Variants in TECRL observed in about 807,000 individuals in gnomAD.
The protein encoded by TECRL is trans-2,3-enoyl-CoA reductase-like.
Under a neutral mutation model 52.8 loss-of-function variants are expected in TECRL, and 63 were observed. That is an observed-to-expected ratio of 1.19 (90% CI 0.97 to 1.47). The LOEUF (loss-of-function observed/expected upper bound fraction) is 1.47, where lower values mean the gene tolerates loss of function less well. TECRL is among the 40% of genes most tolerant of loss of function. The probability of loss-of-function intolerance (pLI) is 0.00; values close to 1 mark genes in which losing one functional copy is unlikely to be tolerated. For missense variants in TECRL, 482 were observed against 429.6 expected (o/e 1.12, Z -1.08); for synonymous variants, 164 against 141.9 (o/e 1.16, Z -1.10).
chr4:64,301,979 T>C (rs1724049249), intron 7 of TECRL, among the ~76,000 whole-genome samples: 1 of 151,440 alleles, frequency 6.6e-6, no homozygotes, highest in East Asian at 1.9e-4. Context: ...CTGTATAATG[T>C]TTCACATTTA....
intron 2 of TECRL, among the ~76,000 whole-genome samples, 180 bp downstream of exon 2, chr4:64,374,992 A>G (rs1038993670): frequency 2.6e-5 from 4 of 152,150 alleles, no homozygotes; most frequent in Non-Finnish European, 5.9e-5. Context: ...TAAAGGATCA[A>G]TTAGAGTTAA....
intron 2 of TECRL, among the ~76,000 whole-genome samples, chr4:64,373,046 T>A (rs1047706605): frequency 2.0e-5 from 3 of 151,776 alleles, no homozygotes; most frequent in Non-Finnish European, 4.4e-5. Flanking sequence ...AGCAATGTTT[T>A]TCAATGTCTT....
At chr4:64,404,486 T>A (rs1162761985) in intron 1 of TECRL, among the ~76,000 whole-genome samples, 1 of 152,120 alleles carries the variant, frequency 6.6e-6, no homozygotes, top group African/African-American at 2.4e-5. Context: ...CTACAATCTC[T>A]TATTTTTAAT....
At chr4:64,320,975 TA>T (rs989606363) in intron 4 of TECRL, among the ~76,000 whole-genome samples, 16 of 152,100 alleles carry the variant, frequency 1.1e-4, no homozygotes, top group African/African-American at 2.9e-4. Flanking sequence ...ATAAATCAAC[TA>T]TTTTTTTTCA....
intron 7 of TECRL, among the ~76,000 whole-genome samples, chr4:64,304,279 T>C (rs1472072491): frequency 6.6e-6 from 1 of 151,902 alleles, no homozygotes; most frequent in Non-Finnish European, 1.5e-5. Context: ...ATATTCATAG[T>C]TAATTGTTAG....
intron 1 of TECRL, among the ~76,000 whole-genome samples, chr4:64,401,885 T>A (rs973302988): frequency 1.3e-5 from 2 of 152,178 alleles, no homozygotes; most frequent in Non-Finnish European, 2.9e-5. Context: ...TATGCTCCCC[T>A]TAATTTCATT....
intron 1 of TECRL, among the ~76,000 whole-genome samples, chr4:64,404,920 T>G (rs17655773): frequency 0.041 from 6,236 of 152,186 alleles, 129 homozygotes; most frequent in Non-Finnish European, 0.048. Context: ...ACATGTTTCT[T>G]GAACCGGAGT....
At chr4:64,370,120 A>C (rs1413758885) in intron 2 of TECRL, among the ~76,000 whole-genome samples, 1 of 151,916 alleles carries the variant, frequency 6.6e-6, no homozygotes, top group East Asian at 1.9e-4. Context: ...ACTTTGCATA[A>C]GAGACAATTT....
In TECRL at chr4:64,281,458, T is replaced by C. The variant is rs757909951; in HGVS notation, c.918+16A>G. 3.4e-6 allele frequency: 5 copies of C among 1,468,168 alleles called. No individual in the cohort carries two copies. In the Admixed American group the frequency reaches 7.4e-5, roughly 22 times the overall value. 90.9% of individuals were successfully genotyped at this position (1,468,168 alleles called of 1,614,324 possible). On this transcript the variant is annotated intron_variant, in intron 10 of 11. Coordinates refer to ENST00000381210, the MANE Select transcript of TECRL (RefSeq NM_001010874.5). ...CATGAATAGGATTCAAGCATTTACA[T>C]ACATAAATAACATACCTCATAGGTG...
chr4:64,360,408 G>T (rs1360615932), intron 2 of TECRL, among the ~76,000 whole-genome samples: 1 of 152,134 alleles, frequency 6.6e-6, no homozygotes, highest in African/African-American at 2.4e-5. Context: ...CTATTTTGAA[G>T]TATGTTTCAG....
chr4:64,399,960 T>C (rs537141762), intron 1 of TECRL, among the ~76,000 whole-genome samples: 15 of 152,232 alleles, frequency 9.9e-5, no homozygotes, highest in Non-Finnish European at 1.3e-4. Context: ...CCTCATGATG[T>C]TGTGAGAAAA....
chr4:64,338,302 C>A (rs1215424506), intron 2 of TECRL, among the ~76,000 whole-genome samples: 4 of 152,206 alleles, frequency 2.6e-5, no homozygotes, highest in East Asian at 3.9e-4. Flanking sequence ...TAAAGACTTA[C>A]ATGTTAGACC....
At chr4:64,309,703 A>G (rs1318522954) in intron 6 of TECRL, 123 bp downstream of exon 6, 1 of 718,054 alleles carries the variant, frequency 1.4e-6, no homozygotes, top group African/African-American at 1.8e-5. Flanking sequence ...AGAATGTTTA[A>G]GTATGCTTAT....
At chr4:64,301,208 T>C (rs1164865033) in intron 7 of TECRL, among the ~76,000 whole-genome samples, 1 of 151,002 alleles carries the variant, frequency 6.6e-6, no homozygotes, top group African/African-American at 2.4e-5. Context: ...TAAAATCTCA[T>C]CAACCTTAGA....
intron 1 of TECRL, among the ~76,000 whole-genome samples, chr4:64,389,277 TG>T (rs1723390126): frequency 6.6e-6 from 1 of 151,894 alleles, no homozygotes; most frequent in Non-Finnish European, 1.5e-5. Flanking sequence ...TTGATGAAGT[TG>T]AGGAAGTTCC....
intron 8 of TECRL, 46 bp downstream of exon 8, chr4:64,299,928 T>C (rs184610955): frequency 1.5e-5 from 19 of 1,256,946 alleles, no homozygotes; most frequent in Non-Finnish European, 2.0e-5. Context: ...TTCTTAATAA[T>C]ACCAAAATTA....
chr4:64,329,209 T>A (rs185471438), intron 2 of TECRL, among the ~76,000 whole-genome samples: 126 of 152,080 alleles, frequency 8.3e-4, no homozygotes, highest in African/African-American at 3.0e-3. Context: ...TATAACTTTA[T>A]CTTAAAATAA....
chr4:64,398,043 T>A (rs1411027375), intron 1 of TECRL, among the ~76,000 whole-genome samples: 1 of 151,074 alleles, frequency 6.6e-6, no homozygotes, highest in Non-Finnish European at 1.5e-5. Context: ...TAATTATCTT[T>A]AAAAATTTTA....
chr4:64,302,502 T>A (rs1724080109), intron 7 of TECRL, among the ~76,000 whole-genome samples: 1 of 151,536 alleles, frequency 6.6e-6, no homozygotes, highest in South Asian at 2.1e-4. Context: ...GACTTAATTA[T>A]GTATGTTGAA....
Sources: allele counts gnomAD v4.1 joint callset (sites outside exome capture counted in the v4.1 genomes callset), GRCh38; gene constraint gnomAD v4.1.1; transcripts MANE v1.5; gene names NCBI Gene and HGNC (gene_info 2026-07-23, HGNC 2026-07-21).